Variants in SEMA5A observed in about 807,000 individuals in gnomAD.
The protein encoded by SEMA5A is semaphorin-5A.
SEMA5A carries 55 observed loss-of-function variants against 135.5 expected under a neutral mutation model. The observed-to-expected ratio is 0.41, with a 90% CI of 0.33 to 0.51. SEMA5A has a LOEUF of 0.51. SEMA5A is among the 20% of genes least tolerant of loss of function. SEMA5A has a pLI of 0.37. For synonymous variants in SEMA5A, 580 were observed against 546.5 expected (o/e 1.06, Z -0.85); for missense variants, 1,290 against 1,419.9 (o/e 0.91, Z 1.47).
chr5:9,074,359 T>C (rs1263211419), intron 16 of SEMA5A, among the ~76,000 whole-genome samples: 1 of 152,172 alleles, frequency 6.6e-6, no homozygotes, highest in African/African-American at 2.4e-5. Context: ...AAATGGATCA[T>C]AGCCCAATAT....
At chr5:9,417,961 G>C (rs1035157214) in intron 2 of SEMA5A, among the ~76,000 whole-genome samples, 1 of 147,620 alleles carries the variant, frequency 6.8e-6, no homozygotes, top group Non-Finnish European at 1.5e-5. Flanking sequence ...ACAGGAGCAA[G>C]TTCTCCAGTG....
intron 3 of SEMA5A, among the ~76,000 whole-genome samples, chr5:9,353,098 G>GAAAGGGAAGGA (rs1378151075): frequency 9.2e-5 from 2 of 21,792 alleles, no homozygotes; most frequent in Non-Finnish European, 1.5e-4. Flanking sequence ...GGAAAGGAAG[G>GAAAGGGAAGGA]AAGGAAAGGA....
At chr5:9,149,806 C>T (rs944511874) in intron 12 of SEMA5A, among the ~76,000 whole-genome samples, 5 of 152,142 alleles carry the variant, frequency 3.3e-5, no homozygotes, top group Admixed American at 2.0e-4. Flanking sequence ...GATTTCTAGA[C>T]AAGATTATTA....
chr5:9,419,500 G>C (rs535503679), intron 2 of SEMA5A, among the ~76,000 whole-genome samples: 49 of 152,268 alleles, frequency 3.2e-4, no homozygotes, highest in African/African-American at 9.6e-4. Context: ...TCTGAGCTCA[G>C]GATGAAAGAG....
At chr5:9,529,447 G>A (rs1035988970) in intron 1 of SEMA5A, among the ~76,000 whole-genome samples, 3 of 152,246 alleles carry the variant, frequency 2.0e-5, no homozygotes, top group Non-Finnish European at 2.9e-5. Context: ...GCTCCTCCCA[G>A]TAGCTTCCGG....
chr5:9,515,375 C>G (rs1736451658), intron 1 of SEMA5A, among the ~76,000 whole-genome samples: 1 of 152,130 alleles, frequency 6.6e-6, no homozygotes, highest in Non-Finnish European at 1.5e-5. Flanking sequence ...ATCTCTAGTT[C>G]GTCATGCAAC....
At chr5:9,093,082 A>C (rs253636) in intron 16 of SEMA5A, among the ~76,000 whole-genome samples, 82,740 of 151,950 alleles carry the variant, frequency 0.54, 24,320 homozygotes, top group African/African-American at 0.79. Context: ...GAAACATTAA[A>C]CTTAAAATTG....
intron 1 of SEMA5A, among the ~76,000 whole-genome samples, chr5:9,445,932 G>T (rs1190291131): frequency 6.6e-6 from 1 of 152,238 alleles, no homozygotes; most frequent in Non-Finnish European, 1.5e-5. Context: ...TGGCATGAAA[G>T]AGAAATACTC....
chr5:9,333,329 A>G (rs940448499), intron 4 of SEMA5A, among the ~76,000 whole-genome samples: 1 of 152,256 alleles, frequency 6.6e-6, no homozygotes, highest in East Asian at 1.9e-4. Context: ...CATTATAAAA[A>G]TATGGCCAAT....
chr5:9,132,731 C>A (rs1402143304), intron 13 of SEMA5A, among the ~76,000 whole-genome samples: 1 of 152,176 alleles, frequency 6.6e-6, no homozygotes, highest in Non-Finnish European at 1.5e-5. Flanking sequence ...GGGAGGGTCA[C>A]ACACAAGAGG....
intron 1 of SEMA5A, among the ~76,000 whole-genome samples, chr5:9,479,628 G>T (rs1318974241): frequency 6.6e-6 from 1 of 152,270 alleles, no homozygotes; most frequent in African/African-American, 2.4e-5. Flanking sequence ...GGTTATTATT[G>T]GCAACATGAT....
At chr5:9,393,358 G>C (rs1017551272) in intron 2 of SEMA5A, among the ~76,000 whole-genome samples, 2 of 152,152 alleles carry the variant, frequency 1.3e-5, no homozygotes, top group African/African-American at 4.8e-5. Context: ...CAGTCCAAAA[G>C]AGTGAGAACC....
chr5:9,420,762 C>T (rs1757437765), intron 2 of SEMA5A, among the ~76,000 whole-genome samples: 1 of 152,138 alleles, frequency 6.6e-6, no homozygotes. Context: ...TGCCTGCGAC[C>T]CCAACACTTT....
At chr5:9,358,088 T>C (rs183387434) in intron 3 of SEMA5A, among the ~76,000 whole-genome samples, 66 of 152,282 alleles carry the variant, frequency 4.3e-4, no homozygotes, top group Non-Finnish European at 1.0e-4. Flanking sequence ...CTCCAGCTTC[T>C]ATAACACACT....
At chr5:9,341,016 G>A (rs1262641097) in intron 3 of SEMA5A, among the ~76,000 whole-genome samples, 1 of 152,092 alleles carries the variant, frequency 6.6e-6, no homozygotes, top group East Asian at 1.9e-4. Context: ...AATCTCCAAT[G>A]TTACCTAGTC....
At chr5:9,406,031 A>G (rs1756872799) in intron 2 of SEMA5A, among the ~76,000 whole-genome samples, 1 of 152,224 alleles carries the variant, frequency 6.6e-6, no homozygotes, top group Admixed American at 6.5e-5. Context: ...ACCATGAATG[A>G]TGATGGTACT....
At chr5:9,386,335 T>A (rs1473957053) in intron 2 of SEMA5A, among the ~76,000 whole-genome samples, 1 of 152,198 alleles carries the variant, frequency 6.6e-6, no homozygotes, top group Non-Finnish European at 1.5e-5. Flanking sequence ...CAGTAAATAG[T>A]TCTGCGTATT....
At chr5:9,323,657 CT>C (rs35243676) in intron 4 of SEMA5A, among the ~76,000 whole-genome samples, 2,540 of 108,890 alleles carry the variant, frequency 0.023, 47 homozygotes, top group African/African-American at 0.081. Flanking sequence ...TCTTTTTTTC[CT>C]TTTTTTTTTT....
intron 16 of SEMA5A, among the ~76,000 whole-genome samples, chr5:9,097,671 G>A (rs1739393854): frequency 6.6e-6 from 1 of 152,028 alleles, no homozygotes; most frequent in African/African-American, 2.4e-5. Flanking sequence ...GTTTCAGATT[G>A]GGATCCTGGG....
Sources: gnomAD v4.1 joint callset for allele counts (sites outside exome capture counted in the v4.1 genomes callset) on GRCh38, gnomAD v4.1.1 for gene constraint, MANE v1.5 for transcripts, NCBI Gene and HGNC (gene_info 2026-07-23, HGNC 2026-07-21) for gene names.